FANK1: variants seen among roughly 807,000 people sequenced by gnomAD.
FANK1 encodes the protein fibronectin type III and ankyrin repeat domains 1.
A neutral mutation model predicts 45.3 loss-of-function variants in FANK1; 44 were observed. The ratio of observed to expected loss-of-function variants is 0.97; its 90% CI spans 0.76 to 1.25. The LOEUF (loss-of-function observed/expected upper bound fraction) is 1.25, where lower values mean the gene tolerates loss of function less well. FANK1 is among the 50% of genes most tolerant of loss of function. FANK1 has a pLI of 0.00. For missense variants in FANK1, 391 were observed against 424.4 expected (o/e 0.92, Z 0.69); for synonymous variants, 149 against 152.5 (o/e 0.98, Z 0.17).
At chr10:125,926,085 ATCC>A (rs1947324172) in intron 1 of FANK1, among the ~76,000 whole-genome samples, 1 of 152,176 alleles carries the variant, frequency 6.6e-6, no homozygotes, top group African/African-American at 2.4e-5. Context: ...TCTAAAATTT[ATCC>A]TCCTCCTGGG....
chr10:125,918,156 G>T (rs1946610537), intron 1 of FANK1, among the ~76,000 whole-genome samples: 2 of 152,306 alleles, frequency 1.3e-5, no homozygotes, highest in Non-Finnish European at 2.9e-5. Flanking sequence ...TTGCTTACTG[G>T]GTACAGAGTT....
chr10:126,002,340 C>T (rs10794050), intron 6 of FANK1, among the ~76,000 whole-genome samples: 96,100 of 151,998 alleles, frequency 0.63, 31,056 homozygotes, highest in East Asian at 0.78. Context: ...GTCATGCAGA[C>T]AATTAGAGTT....
intron 1 of FANK1, among the ~76,000 whole-genome samples, chr10:125,924,806 C>CAAAAA (rs58856642): frequency 5.7e-5 from 4 of 70,738 alleles, no homozygotes; most frequent in African/African-American, 8.7e-5. Flanking sequence ...GACCCCATCT[C>CAAAAA]AAAAAAAAAA....
chr10:125,968,679 T>C (rs932355054), intron 1 of FANK1, among the ~76,000 whole-genome samples: 72 of 152,222 alleles, frequency 4.7e-4, no homozygotes, highest in Non-Finnish European at 1.3e-4. Flanking sequence ...ATCTGATTTT[T>C]TTTGTTTTAC....
chr10:125,940,133 C>A (rs1444470607), intron 1 of FANK1, among the ~76,000 whole-genome samples: 1 of 151,948 alleles, frequency 6.6e-6, no homozygotes, highest in Non-Finnish European at 1.5e-5. Context: ...TCAGGTGGGA[C>A]AAGAGACTGA....
chr10:125,916,377 T>C (rs983871551), intron 1 of FANK1, among the ~76,000 whole-genome samples: 1 of 152,008 alleles, frequency 6.6e-6, no homozygotes, highest in Non-Finnish European at 1.5e-5. Context: ...GTACTGTCAG[T>C]ATTCCCCTCA....
chr10:125,940,289 G>C lies in FANK1; in HGVS notation c.14-39872G>C, dbSNP rs558599483. Among the ~76,000 whole-genome samples, 4 of 152,306 alleles carry C rather than the reference G, an allele frequency of 2.6e-5. No homozygotes were observed. The South Asian group carries it at 8.3e-4, about 32-fold the overall frequency. On this transcript the variant is annotated intron_variant, in intron 1 of 10. Transcript: ENST00000368693. ...ATTACTGTTTTCACTATCTCAGCCA[G>C]AGGAATGTGGCAGGAGAACAGGGTG...
At chr10:125,988,824 C>A (rs774362885) in intron 3 of FANK1, 149 bp downstream of exon 3, 3 of 1,220,452 alleles carry the variant, frequency 2.5e-6, no homozygotes, top group African/African-American at 1.5e-5. Flanking sequence ...GCTAGTTGGG[C>A]CTTGCCATAA....
At chr10:125,985,288 A>C (rs977614418) in intron 2 of FANK1, among the ~76,000 whole-genome samples, 2 of 152,220 alleles carry the variant, frequency 1.3e-5, no homozygotes, top group South Asian at 4.1e-4. Context: ...GAACTTCTAA[A>C]GATCTTTTCA....
intron 2 of FANK1, chr10:125,980,612 A>G: frequency 2.8e-6 from 1 of 360,480 alleles, no homozygotes; most frequent in Non-Finnish European, 5.1e-6. Flanking sequence ...GACTCAAACA[A>G]TAGCTTGATG....
At chr10:125,999,400 C>T (rs577420597) in intron 6 of FANK1, among the ~76,000 whole-genome samples, 1 of 151,966 alleles carries the variant, frequency 6.6e-6, no homozygotes, top group African/African-American at 2.4e-5. Context: ...GGGGTTTCAC[C>T]GTGTTAGCCA....
intron 1 of FANK1, among the ~76,000 whole-genome samples, chr10:125,918,589 T>A (rs201365154): frequency 0.15 from 7,006 of 45,288 alleles, 325 homozygotes; most frequent in Non-Finnish European, 0.22. Flanking sequence ...AAAAAAAATA[T>A]ATATATATAT....
At chr10:125,908,463 G>A (rs1336748036) in intron 1 of FANK1, among the ~76,000 whole-genome samples, 1 of 152,184 alleles carries the variant, frequency 6.6e-6, no homozygotes. Context: ...CAATCTGGAT[G>A]GAATTAGAGA....
chr10:125,999,261 G>A (rs1051769117), intron 6 of FANK1, among the ~76,000 whole-genome samples: 21 of 148,006 alleles, frequency 1.4e-4, no homozygotes, highest in African/African-American at 4.0e-4. Flanking sequence ...GTGCAGTGGC[G>A]CGATCTCAGC....
intron 1 of FANK1, among the ~76,000 whole-genome samples, chr10:125,917,091 C>T (rs1946508028): frequency 6.6e-6 from 1 of 152,216 alleles, no homozygotes; most frequent in Non-Finnish European, 1.5e-5. Context: ...GGCTGAGCTC[C>T]TGCACTAGCC....
chr10:125,961,984 A>C (rs575727031), intron 1 of FANK1, among the ~76,000 whole-genome samples: 31 of 152,284 alleles, frequency 2.0e-4, no homozygotes, highest in African/African-American at 7.2e-4. Flanking sequence ...AAAGTAAACA[A>C]ATGAGATTAC....
intron 1 of FANK1, among the ~76,000 whole-genome samples, chr10:125,907,864 A>G (rs528837236): frequency 4.0e-4 from 61 of 152,272 alleles, no homozygotes; most frequent in African/African-American, 1.4e-3. Flanking sequence ...CAACAACCTG[A>G]ATGAGCTTGA....
At chr10:125,953,430 G>A (rs111858143) in intron 1 of FANK1, among the ~76,000 whole-genome samples, 2,310 of 152,240 alleles carry the variant, frequency 0.015, 53 homozygotes, top group African/African-American at 0.051. Context: ...TCAGGGAGGT[G>A]GTGTGGGTGA....
At chr10:125,942,904 C>A (rs925903485) in intron 1 of FANK1, among the ~76,000 whole-genome samples, 7 of 150,834 alleles carry the variant, frequency 4.6e-5, no homozygotes, top group South Asian at 2.1e-4. Context: ...ACATCTGCCT[C>A]CCGGGTTCCA....
Sources: gnomAD v4.1 joint callset for allele counts (sites outside exome capture counted in the v4.1 genomes callset) on GRCh38, gnomAD v4.1.1 for gene constraint, MANE v1.5 for transcripts, NCBI Gene and HGNC (gene_info 2026-07-23, HGNC 2026-07-21) for gene names.